HTR7: variants seen among roughly 807,000 people sequenced by gnomAD.
The protein encoded by HTR7 is 5-hydroxytryptamine receptor 7, also known as 5-HT-7.
Under a neutral mutation model 34.0 loss-of-function variants are expected in HTR7, and 16 were observed. That is an observed-to-expected ratio of 0.47 (90% CI 0.32 to 0.71). The LOEUF is 0.71. Among genes scored for constraint, HTR7 ranks in the 30% least tolerant of loss-of-function variants. HTR7 has a pLI of 0.04. For missense variants in HTR7, 504 were observed against 625.5 expected, an observed-to-expected ratio of 0.81 and a Z score of 2.07; for synonymous variants, 265 against 260.2, an observed-to-expected ratio of 1.02 and a Z score of -0.18.
rs547495033 is a variant in HTR7 at position 90,847,471 on chromosome 10, T to C, written c.539+9662A>G. ...AAGAAGATTCCATCAATTCTTAAAATGTATCTACAAGCAGAAAATTAATTT... is the reference window on the plus strand; with the variant it reads ...AAGAAGATTCCATCAATTCTTAAAACGTATCTACAAGCAGAAAATTAATTT... On this transcript the variant is annotated intron_variant, in intron 1 of 3. Transcript: ENST00000336152. Among the ~76,000 whole-genome samples, 4 of 152,210 alleles carry C rather than the reference T, an allele frequency of 2.6e-5. No homozygotes were observed. In the East Asian group the frequency reaches 7.7e-4, roughly 29 times the overall value.
intron 2 of HTR7, among the ~76,000 whole-genome samples, chr10:90,745,124 T>C (rs1487085759): frequency 2.0e-5 from 3 of 152,194 alleles, no homozygotes; most frequent in African/African-American, 7.2e-5. Flanking sequence ...TACAGAAAGG[T>C]TGCCATGTGC....
chr10:90,793,191 A>T (rs1845485915), intron 1 of HTR7, among the ~76,000 whole-genome samples: 1 of 152,108 alleles, frequency 6.6e-6, no homozygotes, highest in African/African-American at 2.4e-5. Context: ...CCGGATAAGA[A>T]CTTCTACAAC....
intron 1 of HTR7, among the ~76,000 whole-genome samples, chr10:90,761,565 C>T (rs1330660179): frequency 6.6e-6 from 1 of 151,342 alleles, no homozygotes; most frequent in Non-Finnish European, 1.5e-5. Context: ...ATCTATGGGC[C>T]ACATAGATGT....
intron 1 of HTR7, among the ~76,000 whole-genome samples, chr10:90,809,916 C>T (rs867640848): frequency 2.0e-5 from 3 of 152,216 alleles, no homozygotes; most frequent in African/African-American, 7.2e-5. Context: ...CTGATCACCT[C>T]GGAAGCCCCC....
chr10:90,816,805 T>C (rs895235698), intron 1 of HTR7, among the ~76,000 whole-genome samples: 7 of 152,180 alleles, frequency 4.6e-5, no homozygotes, highest in African/African-American at 1.4e-4. Context: ...CCGGGGACTA[T>C]CATGGAAGAA....
chr10:90,754,133 G>C (rs556405141), intron 1 of HTR7, among the ~76,000 whole-genome samples: 2 of 152,096 alleles, frequency 1.3e-5, no homozygotes, highest in African/African-American at 4.8e-5. Flanking sequence ...ATATGATTCT[G>C]GCAATAGAAA....
intron 1 of HTR7, among the ~76,000 whole-genome samples, chr10:90,795,443 T>G (rs554559971): frequency 2.6e-5 from 4 of 152,236 alleles, no homozygotes; most frequent in Non-Finnish European, 5.9e-5. Context: ...AGTACAAAAA[T>G]TTAGAGGCTC....
At chr10:90,825,148 A>T (rs1846049703) in intron 1 of HTR7, among the ~76,000 whole-genome samples, 2 of 152,178 alleles carry the variant, frequency 1.3e-5, no homozygotes, top group Non-Finnish European at 2.9e-5. Flanking sequence ...TGTTTAGGAG[A>T]AAGTAAGGCA....
Position 90,807,553 on chromosome 10 carries a change from G to A in HTR7, c.539+49580C>T, listed in dbSNP as rs149073500. Among the ~76,000 whole-genome samples, 19 of 152,164 alleles carry A rather than the reference G, an allele frequency of 1.2e-4. No individual in the cohort carries two copies. The East Asian group carries it at 2.5e-3, about 20-fold the overall frequency. ...CACCTTGCAACCCCTACGCCTGCTC[G>A]CCAGAGAACAAAACCCCTTTGACTG... On this transcript the variant is annotated intron_variant, in intron 1 of 3. Coordinates refer to ENST00000336152, the MANE Select transcript of HTR7 (RefSeq NM_019859.4).
intron 1 of HTR7, among the ~76,000 whole-genome samples, chr10:90,817,803 A>G (rs1845919228): frequency 6.6e-6 from 1 of 152,232 alleles, no homozygotes; most frequent in Non-Finnish European, 1.5e-5. Context: ...TAATAGCAAG[A>G]AAGTGGAAAC....
At chr10:90,787,851 C>A (rs879923153) in intron 1 of HTR7, among the ~76,000 whole-genome samples, 3 of 151,908 alleles carry the variant, frequency 2.0e-5, no homozygotes, top group Non-Finnish European at 4.4e-5. Context: ...TGTTAAACCA[C>A]TTTATTAGAC....
At chr10:90,761,375 T>C (rs1185341504) in intron 1 of HTR7, among the ~76,000 whole-genome samples, 1 of 152,210 alleles carries the variant, frequency 6.6e-6, no homozygotes, top group Non-Finnish European at 1.5e-5. Flanking sequence ...TCTTTTTTAA[T>C]ATACATATAT....
intron 1 of HTR7, among the ~76,000 whole-genome samples, chr10:90,778,396 A>T (rs1457392572): frequency 5.9e-5 from 9 of 152,158 alleles, no homozygotes; most frequent in Non-Finnish European, 1.2e-4. Context: ...GACTTGAGCT[A>T]GCATGCTCAG....
intron 1 of HTR7, among the ~76,000 whole-genome samples, chr10:90,805,323 C>T (rs892639153): frequency 6.6e-6 from 1 of 152,206 alleles, no homozygotes; most frequent in African/African-American, 2.4e-5. Context: ...ATCTAAATAA[C>T]ACACAAGCTA....
chr10:90,808,047 C>T (rs113123204), intron 1 of HTR7, among the ~76,000 whole-genome samples: 250 of 152,308 alleles, frequency 1.6e-3, no homozygotes, highest in African/African-American at 5.5e-3. Context: ...AAAACCCCGG[C>T]GCCGGTCACA....
chr10:90,757,756 A>G (rs1279298555), intron 1 of HTR7, among the ~76,000 whole-genome samples: 1 of 152,214 alleles, frequency 6.6e-6, no homozygotes, highest in Non-Finnish European at 1.5e-5. Flanking sequence ...CTACAGAAAC[A>G]TGCTCCAACA....
At chr10:90,805,574 G>C (rs914130077) in intron 1 of HTR7, among the ~76,000 whole-genome samples, 4 of 152,124 alleles carry the variant, frequency 2.6e-5, no homozygotes, top group African/African-American at 9.7e-5. Context: ...TCTCCCCTAA[G>C]AGTCATGTGT....
At chr10:90,852,151 G>A (rs905487753) in intron 1 of HTR7, among the ~76,000 whole-genome samples, 2 of 149,544 alleles carry the variant, frequency 1.3e-5, no homozygotes, top group African/African-American at 5.0e-5. Flanking sequence ...TTGAGGCCGG[G>A]AGTTCAAGAC....
chr10:90,769,311 C>T (rs980153118), intron 1 of HTR7, among the ~76,000 whole-genome samples: 3 of 152,146 alleles, frequency 2.0e-5, no homozygotes, highest in Admixed American at 1.3e-4. Context: ...TTAAGGAAGT[C>T]GTATGGAAAG....
Sources: allele counts gnomAD v4.1 joint callset (sites outside exome capture counted in the v4.1 genomes callset), GRCh38; gene constraint gnomAD v4.1.1; transcripts MANE v1.5; gene names NCBI Gene and HGNC (gene_info 2026-07-23, HGNC 2026-07-21).